Variants in STRIP1 observed in about 807,000 individuals in gnomAD.
The protein encoded by STRIP1 is striatin interacting protein 1, also known as striatin-interacting protein 1.
A neutral mutation model predicts 106.2 loss-of-function variants in STRIP1; 63 were observed. The observed-to-expected ratio is 0.59, with a 90% CI of 0.48 to 0.73. STRIP1 has a LOEUF of 0.73. STRIP1 is among the 30% of genes least tolerant of loss of function. STRIP1 has a pLI of 0.00. For missense variants in STRIP1, 857 were observed against 1,074.8 expected (o/e 0.80, Z 2.83); for synonymous variants, 390 against 413.0 (o/e 0.94, Z 0.67).
In STRIP1 at chr1:110,049,495, C is replaced by T. The variant is rs764535061; in HGVS notation, c.1824C>T (p.Asn608=). 6.2e-6 allele frequency: 10 copies of T among 1,608,004 alleles called. No individual in the cohort carries two copies. Among genetic ancestry groups the T allele is most frequent in the Non-Finnish European group, 8.5e-6 (10 of 1,176,812 alleles). ...TGGCCCAGCACCTGGTGTTTGCCAA[C>T]TGCATTCCTTTGATCCTAAAGTTCT... ...EYMAQHLVFA[N]CIPLILKFFN... Residue 608 remains asparagine, a synonymous_variant, in exon 17 of 21, where the codon AAC becomes AAT. Coordinates refer to ENST00000369795, the MANE Select transcript of STRIP1 (RefSeq NM_033088.4).
chr1:110,040,555 C>G, intron 5 of STRIP1, 80 bp from the exon 6 acceptor site: 1 of 1,355,072 alleles, frequency 7.4e-7, no homozygotes, highest in Non-Finnish European at 1.0e-6. Flanking sequence ...CATTTTGTTT[C>G]CCCATTGGTC....
At chr1:110,032,778 C>A (rs1652256620), upstream of STRIP1, among the ~76,000 whole-genome samples, 1 of 152,204 alleles carries the variant, frequency 6.6e-6, no homozygotes, top group Non-Finnish European at 1.5e-5. Flanking sequence ...CTGGTACAAG[C>A]ACCATCATCT....
At chr1:110,043,907 C>A in intron 10 of STRIP1, 51 bp downstream of exon 10, 1 of 1,537,452 alleles carries the variant, frequency 6.5e-7, no homozygotes, top group Non-Finnish European at 9.0e-7. Context: ...AGAGCCCTCA[C>A]ACCCTCAGGC....
upstream of STRIP1, among the ~76,000 whole-genome samples, chr1:110,033,183 G>T (rs1652273060): frequency 6.6e-6 from 1 of 152,126 alleles, no homozygotes; most frequent in African/African-American, 2.4e-5. Context: ...CCTTCCTTGG[G>T]CAGCATGCTT....
In STRIP1 at chr1:110,042,097, G is replaced by T. The variant is rs546721640; in HGVS notation, c.885+236G>T. On this transcript the variant is annotated intron_variant, in intron 8 of 20. Coordinates refer to ENST00000369795, the MANE Select transcript of STRIP1 (RefSeq NM_033088.4). The stretch of plus-strand genomic sequence containing the variant: ...GGCTGTTGGCTCTCTGACCCCGGAA[G>T]CTGTTTTCTGTCATAGAACAGCTCT... 6.6e-5 allele frequency among the ~76,000 whole-genome samples: 10 copies of T among 152,300 alleles called. 1 individual carries two copies. The South Asian group carries it at 2.1e-3, about 32-fold the overall frequency.
At chr1:110,035,882 G>T (rs1652429414) in intron 1 of STRIP1, among the ~76,000 whole-genome samples, 1 of 152,112 alleles carries the variant, frequency 6.6e-6, no homozygotes, top group Non-Finnish European at 1.5e-5. Flanking sequence ...TCAACAATTG[G>T]CAAGCCCGAA....
At chr1:110,043,059 C>G (rs1166370524) in intron 8 of STRIP1, 29 bp from the exon 9 acceptor site, 2 of 1,586,838 alleles carry the variant, frequency 1.3e-6, no homozygotes, top group Admixed American at 1.8e-5. Flanking sequence ...CACATTGACC[C>G]TGGCTCTGCT....
rs752434543 is a variant in STRIP1, at chr1:110,034,715, G to C, written c.78G>C (p.Pro26=). Residue 26 remains proline, a synonymous_variant, in exon 1 of 21, where the codon CCG becomes CCC. Coordinates refer to ENST00000369795, the MANE Select transcript of STRIP1 (RefSeq NM_033088.4). The stretch of plus-strand genomic sequence containing the variant: ...CCCAGCCCCCGCCACCTCCGCCGCC[G>C]GCAGCCGCACAGCCACCACCCGGGG... ...KQPQPPPPPP[P]AAAQPPPGAP... is the part of the protein sequence containing the mutation. 6.0e-6 allele frequency: 9 copies of C among 1,508,536 alleles called. No homozygotes were observed. In the African/African-American group the frequency reaches 1.3e-4, roughly 22 times the overall value. 93.4% of individuals were successfully genotyped at this position (1,508,536 alleles called of 1,614,324 possible). A position where few individuals can be genotyped will look rare whatever the true frequency, so the allele number is the denominator to read the frequency against.
rs182301310 is a variant in STRIP1 at position 110,036,846 on chromosome 1, C to T, written c.181-1045C>T. Among the ~76,000 whole-genome samples, 91 of 152,118 alleles carry T rather than the reference C, an allele frequency of 6.0e-4. 1 individual carries two copies. Among genetic ancestry groups the T allele is most frequent in the Middle Eastern group, 3.4e-3 (1 of 294 alleles). ...TGTTTTGTTTTGTTTTGTTTTGAGA[C>T]AGAGTCTCTGTCTGTCTCCCAAGCT... On this transcript the variant is annotated intron_variant, in intron 1 of 20. Coordinates refer to ENST00000369795, the MANE Select transcript of STRIP1 (RefSeq NM_033088.4).
chr1:110,051,187 C>T (rs1183526997), intron 19 of STRIP1, 127 bp downstream of exon 19: 5 of 664,432 alleles, frequency 7.5e-6, no homozygotes, highest in Non-Finnish European at 1.4e-5. Context: ...CGTATCCTTG[C>T]ATTTTAAGGG....
At chr1:110,047,459 T>C in intron 13 of STRIP1, 83 bp from the exon 14 acceptor site, 1 of 1,091,780 alleles carries the variant, frequency 9.2e-7, no homozygotes, top group Non-Finnish European at 1.4e-6. Flanking sequence ...TGTTTACAGG[T>C]TTTCCTCCAG....
At chr1:110,053,554 G>T in intron 20 of STRIP1, 111 bp from the exon 21 acceptor site, 1 of 1,446,606 alleles carries the variant, frequency 6.9e-7, no homozygotes, top group Non-Finnish European at 9.4e-7. Context: ...CTGAGGATGA[G>T]CTCGGAGGTA....
At chr1:110,045,832 C>T (rs964581827) in intron 12 of STRIP1, among the ~76,000 whole-genome samples, 8 of 152,080 alleles carry the variant, frequency 5.3e-5, no homozygotes, top group South Asian at 4.1e-4. Flanking sequence ...AGGACAAGTC[C>T]GCCCTGTGTC....
chr1:110,048,679 G>A (rs574468978), intron 15 of STRIP1, among the ~76,000 whole-genome samples: 5 of 152,334 alleles, frequency 3.3e-5, no homozygotes, highest in Admixed American at 2.0e-4. Flanking sequence ...ACAATGAGAA[G>A]TCCTGAATTA....
At chr1:110,047,969 A>G in intron 15 of STRIP1, 100 bp downstream of exon 15, 1 of 1,009,586 alleles carries the variant, frequency 9.9e-7, no homozygotes, top group East Asian at 2.6e-5. Flanking sequence ...GCCCAGCTCT[A>G]CAGGTTAAAT....
chr1:110,039,243 T>G lies in STRIP1; in HGVS notation c.397T>G (p.Leu133Val), dbSNP rs1557788457. The change falls in exon 4 of 21, where the codon TTG becomes GTG. Residue 133 changes from leucine (L) to valine (V), a missense_variant. Leu to Val is a conservative substitution (Grantham distance 32, BLOSUM62 1). Around this residue, in one of 2 missense-constraint regions of STRIP1, gnomAD observed 750 missense variants for 989.8 expected, o/e 0.76. Coordinates refer to ENST00000369795, the MANE Select transcript of STRIP1 (RefSeq NM_033088.4). ...RTHAMRLLDG[L>V]EVTAREKRLK... ...CCATGCCATGAGGCTCCTGGATGGC[T>G]TGGAAGTCACTGCCAGGGAGAAGAG... The G allele has an allele frequency of 1.2e-6, 2 of 1,614,058 alleles. No individual in the cohort carries two copies. Among genetic ancestry groups the G allele is most frequent in the Non-Finnish European group, 1.7e-6 (2 of 1,180,034 alleles).
chr1:110,039,570 A>G (rs1570915566), intron 5 of STRIP1, 55 bp downstream of exon 5: 2 of 1,554,070 alleles, frequency 1.3e-6, no homozygotes, highest in Non-Finnish European at 1.7e-6. Flanking sequence ...GGGAAGGGGG[A>G]CAGAGCTTGC....
In STRIP1 at chr1:110,038,689, A is replaced by G. The variant is rs1652612226; in HGVS notation, c.257A>G (p.Tyr86Cys). The G allele has an allele frequency of 6.2e-7, 1 of 1,614,102 alleles. No individual in the cohort carries two copies. The highest frequency in any genetic ancestry group is 8.5e-7 in the Non-Finnish European group (1 of 1,179,930). The change falls in exon 3 of 21, where the codon TAC becomes TGC. Residue 86 changes from tyrosine (Y) to cysteine (C), a missense_variant. Tyr to Cys is a radical substitution (Grantham distance 194, BLOSUM62 -2). This residue lies in a region of STRIP1 where 750 missense variants were observed against 989.8 expected (regional missense o/e 0.76). Coordinates refer to ENST00000369795, the MANE Select transcript of STRIP1 (RefSeq NM_033088.4). The stretch of plus-strand genomic sequence containing the variant: ...CGAGACTTTGTTCTGACAGAGCTTT[A>G]CAGCTACACGGAAGGGCCAGAATTC... ...DKWAAELSELYSYTEGPEFLM... is the reference protein window; with the variant it reads ...DKWAAELSELCSYTEGPEFLM...
Position 110,041,849 on chromosome 1 carries a change from G to T in STRIP1, c.873G>T (p.Trp291Cys). The T allele has an allele frequency of 6.2e-7, 1 of 1,614,190 alleles. No homozygotes were observed. The highest frequency in any genetic ancestry group is 8.5e-7 in the Non-Finnish European group (1 of 1,180,034). Residue 291 changes from tryptophan to cysteine, a missense_variant, in exon 8 of 21, where the codon TGG becomes TGT. By Grantham distance (215) the Trp-to-Cys change is radical. This residue lies in a region of STRIP1 where 750 missense variants were observed against 989.8 expected (regional missense o/e 0.76). Coordinates refer to ENST00000369795, the MANE Select transcript of STRIP1 (RefSeq NM_033088.4). ...TGAAGAAAGTTCTCTTGCTGCTCTG[G>T]AAGACAGTATTGGTGAGCACCTCCT... ...FPMKKVLLLL[W>C]KTVLCTLGGF...
Sources: allele counts gnomAD v4.1 joint callset (sites outside exome capture counted in the v4.1 genomes callset), GRCh38; gene constraint gnomAD v4.1.1; regional missense constraint gnomAD v4.1.1; transcripts MANE v1.5; gene names NCBI Gene and HGNC (gene_info 2026-07-23, HGNC 2026-07-21).